SLF1: variants seen among roughly 807,000 people sequenced by gnomAD.
The protein encoded by SLF1 is SMC5-SMC6 complex localization factor protein 1.
SLF1 carries 105 observed loss-of-function variants against 123.0 expected under a neutral mutation model. The observed-to-expected ratio is 0.85, with a 90% CI of 0.73 to 1.00. SLF1 has a LOEUF of 1.00. SLF1 is among the 50% of genes least tolerant of loss of function. SLF1 has a pLI of 0.00. For synonymous variants in SLF1, 434 were observed against 406.6 expected (o/e 1.07, Z -0.81); for missense variants, 1,239 against 1,223.0 (o/e 1.01, Z -0.20).
rs1753528860 is a variant in SLF1 at position 94,696,670 on chromosome 5, AG to A, written c.*1360del. The A allele has an allele frequency of 6.6e-6, 1 of 151,850 alleles. No homozygotes were observed. The highest frequency in any genetic ancestry group is 2.4e-5 in the African/African-American group (1 of 41,406). The allele number at this position is 151,850 out of a possible 1,614,324, so 9.4% of individuals were successfully genotyped here. On this transcript the variant is annotated 3_prime_UTR_variant, in exon 21 of 21. Coordinates refer to ENST00000265140, the MANE Select transcript of SLF1 (RefSeq NM_032290.4). ...GAGTACCTCTTTACTTCACTTGTAA[AG>A]GTGTCTGGGATAGTGTTTGCTTGGT...
intron 15 of SLF1, among the ~76,000 whole-genome samples, chr5:94,681,069 T>C (rs1443461311): frequency 6.6e-6 from 1 of 152,218 alleles, no homozygotes; most frequent in Non-Finnish European, 1.5e-5. Context: ...ACACACGCAG[T>C]TGGTTGCTTA....
intron 9 of SLF1, among the ~76,000 whole-genome samples, chr5:94,657,769 C>T (rs555940448): frequency 7.3e-4 from 111 of 152,076 alleles, no homozygotes; most frequent in Non-Finnish European, 1.1e-3. Flanking sequence ...TATCTTCTTG[C>T]GGAATTGATC....
At chr5:94,638,424 C>T (rs540152208) in intron 4 of SLF1, among the ~76,000 whole-genome samples, 99 of 152,140 alleles carry the variant, frequency 6.5e-4, no homozygotes, top group Middle Eastern at 6.8e-3. Flanking sequence ...GTGATCTGCC[C>T]GCCTCGGCCT....
At chr5:94,677,860 T>G (rs1249159837) in intron 14 of SLF1, among the ~76,000 whole-genome samples, 1 of 152,176 alleles carries the variant, frequency 6.6e-6, no homozygotes, top group Non-Finnish European at 1.5e-5. Flanking sequence ...TTTGTATGCC[T>G]TGTTACATTT....
chr5:94,690,795 G>A lies in SLF1; in HGVS notation c.2420-769G>A, dbSNP rs545385189. 1.4e-3 allele frequency among the ~76,000 whole-genome samples: 213 copies of A among 152,036 alleles called. 1 individual carries two copies. Among genetic ancestry groups the A allele is most frequent in the Non-Finnish European group, 2.3e-3 (159 of 67,986 alleles). ...TCTTATTAATCTTGGTTGTAACAGT[G>A]ATGGATATAGACAATTTTAGCCAGA... On this transcript the variant is annotated intron_variant, in intron 18 of 20. Coordinates refer to ENST00000265140, the MANE Select transcript of SLF1 (RefSeq NM_032290.4).
chr5:94,630,576 T>A lies in SLF1; in HGVS notation c.264T>A (p.Tyr88Ter). 6.4e-7 allele frequency: 1 copy of A among 1,551,644 alleles called. No individual in the cohort carries two copies. Among genetic ancestry groups the A allele is most frequent in the Non-Finnish European group, 8.7e-7 (1 of 1,146,960 alleles). ...KSGRWLDETT[Y>*]EWGYKIEKDS... is the part of the protein sequence containing the mutation. The stretch of plus-strand genomic sequence containing the variant: ...GCAGATGGCTTGATGAAACAACTTA[T>A]GAATGGGGATATAAAATTGAAAAAG... The change falls in exon 4 of 21, where the codon TAT (tyrosine) becomes TAA (stop). Residue 88 changes from tyrosine (Y) to a stop codon, truncating the protein, a stop_gained. Transcript: ENST00000265140. LOFTEE classifies it high-confidence loss of function.
At chr5:94,641,049 A>C (rs565689661) in intron 4 of SLF1, among the ~76,000 whole-genome samples, 4 of 152,292 alleles carry the variant, frequency 2.6e-5, no homozygotes, top group Admixed American at 6.5e-5. Context: ...ATACAAGAAT[A>C]TTGATAGAGG....
At chr5:94,653,104 G>T (rs554481167) in intron 7 of SLF1, among the ~76,000 whole-genome samples, 168 bp from the exon 8 acceptor site, 1 of 152,212 alleles carries the variant, frequency 6.6e-6, no homozygotes, top group East Asian at 1.9e-4. Flanking sequence ...TGATCCGCCC[G>T]CCTTGGCCTC....
intron 14 of SLF1, among the ~76,000 whole-genome samples, chr5:94,677,903 G>A (rs773515944): frequency 2.0e-5 from 3 of 150,298 alleles, no homozygotes; most frequent in Non-Finnish European, 4.4e-5. Flanking sequence ...TATTATAAAA[G>A]TAATCATATA....
chr5:94,690,948 G>A lies in SLF1; in HGVS notation c.2420-616G>A, dbSNP rs182888506. Among the ~76,000 whole-genome samples the A allele has an allele frequency of 4.3e-3, 643 of 151,134 alleles. 2 individuals are homozygous for A. Among genetic ancestry groups the A allele is most frequent in the Non-Finnish European group, 6.6e-3 (447 of 67,758 alleles). ...TGTGTGTGTCTGTGTGTGTGTGTGTGTGTGGTGTGTTTATATTAAGATTCC... is the reference window on the plus strand; with the variant it reads ...TGTGTGTGTCTGTGTGTGTGTGTGTATGTGGTGTGTTTATATTAAGATTCC... On this transcript the variant is annotated intron_variant, in intron 18 of 20. Coordinates refer to ENST00000265140, the MANE Select transcript of SLF1 (RefSeq NM_032290.4).
At chr5:94,662,751 T>TA (rs1554066869) in intron 10 of SLF1, among the ~76,000 whole-genome samples, 1 of 152,022 alleles carries the variant, frequency 6.6e-6, no homozygotes, top group Non-Finnish European at 1.5e-5. Context: ...CAGAACAAAA[T>TA]AAACCTACAA....
chr5:94,665,284 C>T (rs1237093970), intron 11 of SLF1, among the ~76,000 whole-genome samples: 1 of 152,140 alleles, frequency 6.6e-6, no homozygotes, highest in South Asian at 2.1e-4. Flanking sequence ...GGGTAGGCTG[C>T]ATTTATTGGA....
intron 5 of SLF1, among the ~76,000 whole-genome samples, chr5:94,647,216 A>G (rs971498267): frequency 6.6e-6 from 1 of 152,240 alleles, no homozygotes; most frequent in African/African-American, 2.4e-5. Context: ...GATACCATAA[A>G]CGAATATCTA....
chr5:94,633,669 A>C (rs1745448771), intron 4 of SLF1, among the ~76,000 whole-genome samples: 1 of 152,188 alleles, frequency 6.6e-6, no homozygotes, highest in East Asian at 1.9e-4. Flanking sequence ...AATTTAACGA[A>C]GATACTAGAA....
At chr5:94,628,950 G>A (rs1278018300) in intron 2 of SLF1, 26 bp downstream of exon 2, 1 of 1,482,164 alleles carries the variant, frequency 6.7e-7, no homozygotes, top group East Asian at 2.5e-5. Context: ...AAATGTTCAA[G>A]ATATATTTGA....
intron 6 of SLF1, among the ~76,000 whole-genome samples, chr5:94,650,503 C>T (rs964584177): frequency 1.1e-4 from 17 of 151,926 alleles, no homozygotes; most frequent in African/African-American, 3.9e-4. Context: ...GCTGGGACTA[C>T]AGGAGCCCGC....
In SLF1 at chr5:94,630,749, A is replaced by G; in HGVS notation, c.431+6A>G. 7 of 1,540,594 alleles carry G rather than the reference A, an allele frequency of 4.5e-6. No individual in the cohort carries two copies. The highest frequency in any genetic ancestry group is 4.1e-5 in the African/African-American group (3 of 72,834). On this transcript the variant is annotated splice_donor_region_variant and intron_variant, in intron 4 of 20. Transcript: ENST00000265140. ...CGAAGTGATTCTCTTATAAGGTAGG[A>G]TGTGATTACATAAAAGCTAAAGCAA...
intron 9 of SLF1, among the ~76,000 whole-genome samples, chr5:94,660,502 GC>G (rs556201646): frequency 2.6e-5 from 4 of 152,168 alleles, no homozygotes; most frequent in Non-Finnish European, 5.9e-5. Context: ...AGTAGGGTAG[GC>G]CTTTCCTCAG....
rs1746657962 is a variant in SLF1 at position 94,643,336 on chromosome 5, T to C, written c.495T>C (p.His165=). 4 of 1,545,776 alleles carry C rather than the reference T, an allele frequency of 2.6e-6. No homozygotes were observed. The South Asian group carries it at 4.8e-5, about 19-fold the overall frequency. Residue 165 remains histidine (H), a synonymous_variant, in exon 5 of 21, where the codon CAT becomes CAC. Coordinates refer to ENST00000265140, the MANE Select transcript of SLF1 (RefSeq NM_032290.4). ...AAAGTTCACCAAGTGGAATAACTCA[T>C]GTGATTGCCAGTAATGCAAGAATTA... The part of the protein sequence containing the change: ...LPKSSPSGIT[H]VIASNARIKA...
Sources: gnomAD v4.1 joint callset for allele counts (sites outside exome capture counted in the v4.1 genomes callset) on GRCh38, gnomAD v4.1.1 for gene constraint, MANE v1.5 for transcripts, NCBI Gene and HGNC (gene_info 2026-07-23, HGNC 2026-07-21) for gene names.